Variants in VAV3 observed in about 807,000 individuals in gnomAD.
VAV3 encodes the protein guanine nucleotide exchange factor VAV3.
In VAV3, 94 loss-of-function variants were observed where a neutral mutation model predicts 131.2. The observed-to-expected ratio is 0.72, with a 90% CI of 0.61 to 0.85. The LOEUF (loss-of-function observed/expected upper bound fraction) is 0.85. Ranked by LOEUF, VAV3 falls within the 40% of genes least tolerant of loss-of-function variation. The pLI is 0.00. For missense variants in VAV3, 939 were observed against 1,002.7 expected (o/e 0.94, Z 0.86); for synonymous variants, 349 against 342.0 (o/e 1.02, Z -0.22).
chr1:107,918,774 C>T (rs1485610302), intron 1 of VAV3, among the ~76,000 whole-genome samples: 1 of 148,670 alleles, frequency 6.7e-6, no homozygotes, highest in Non-Finnish European at 1.5e-5. Flanking sequence ...GGTGCGATCT[C>T]AGCTCACCGC....
intron 2 of VAV3, among the ~76,000 whole-genome samples, chr1:107,815,220 C>A (rs1289356027): frequency 6.6e-6 from 1 of 152,154 alleles, no homozygotes; most frequent in Non-Finnish European, 1.5e-5. Context: ...ATAAAAATAT[C>A]CGACATTTAC....
intron 2 of VAV3, among the ~76,000 whole-genome samples, chr1:107,822,422 A>T (rs1304961357): frequency 6.6e-6 from 1 of 152,134 alleles, no homozygotes; most frequent in East Asian, 1.9e-4. Flanking sequence ...TGGGAGGCCA[A>T]GGCAGGCGGA....
intron 5 of VAV3, among the ~76,000 whole-genome samples, chr1:107,771,737 T>C (rs370057233): frequency 2.0e-5 from 3 of 152,236 alleles, no homozygotes; most frequent in Admixed American, 6.5e-5. Context: ...ATTATCACTG[T>C]TCACCCCATC....
chr1:107,867,208 T>C (rs1280508109), intron 2 of VAV3, among the ~76,000 whole-genome samples: 2 of 152,166 alleles, frequency 1.3e-5, no homozygotes, highest in Non-Finnish European at 2.9e-5. Flanking sequence ...GCAAAGTTAT[T>C]TGGGAAATAT....
At chr1:107,861,754 A>G (rs547676447) in intron 2 of VAV3, among the ~76,000 whole-genome samples, 1 of 151,736 alleles carries the variant, frequency 6.6e-6, no homozygotes, top group South Asian at 2.1e-4. Flanking sequence ...TAAATGATTC[A>G]GCACACAATC....
At chr1:107,575,055 GCTAA>G (rs1324472315) in intron 25 of VAV3, among the ~76,000 whole-genome samples, 4 of 149,492 alleles carry the variant, frequency 2.7e-5, no homozygotes, top group African/African-American at 9.8e-5. Context: ...CAGGAGAGGA[GCTAA>G]CTTTCTCCCT....
At chr1:107,628,827 G>T (rs879038636) in intron 20 of VAV3, among the ~76,000 whole-genome samples, 2 of 152,002 alleles carry the variant, frequency 1.3e-5, no homozygotes, top group Admixed American at 6.6e-5. Context: ...TCATAAATTT[G>T]GCCCTTTAAA....
At chr1:107,760,207 G>A (rs1664335226) in intron 10 of VAV3, among the ~76,000 whole-genome samples, 1 of 152,126 alleles carries the variant, frequency 6.6e-6, no homozygotes, top group Non-Finnish European at 1.5e-5. Flanking sequence ...CTTTGGAGCA[G>A]AACTAATGAG....
chr1:107,913,951 C>T (rs548854499), intron 1 of VAV3, among the ~76,000 whole-genome samples: 101 of 152,230 alleles, frequency 6.6e-4, no homozygotes, highest in Non-Finnish European at 1.2e-3. Context: ...CCTGCCACCA[C>T]GCCCAGCTAA....
intron 2 of VAV3, among the ~76,000 whole-genome samples, chr1:107,843,616 T>C (rs1438288145): frequency 6.6e-6 from 1 of 151,578 alleles, no homozygotes; most frequent in Non-Finnish European, 1.5e-5. Context: ...TGAGCAGGCG[T>C]ATTTAAACCT....
intron 2 of VAV3, among the ~76,000 whole-genome samples, chr1:107,805,006 T>C (rs1570977895): frequency 1.3e-5 from 2 of 152,088 alleles, no homozygotes; most frequent in Non-Finnish European, 2.9e-5. Context: ...TGAAAATGTA[T>C]GTTTTCTGTT....
intron 2 of VAV3, among the ~76,000 whole-genome samples, chr1:107,791,260 CTTCA>C: frequency 6.6e-6 from 1 of 152,174 alleles, no homozygotes; most frequent in Middle Eastern, 3.4e-3. Context: ...AAACTCAGAA[CTTCA>C]TTCAACAGGC....
intron 2 of VAV3, among the ~76,000 whole-genome samples, chr1:107,848,822 A>G (rs1030763207): frequency 7.2e-5 from 11 of 152,208 alleles, no homozygotes; most frequent in Admixed American, 3.9e-4. Context: ...TATTTAGAAA[A>G]TTCCATCGTC....
chr1:107,912,083 G>A (rs76672199), intron 1 of VAV3, among the ~76,000 whole-genome samples: 4,857 of 152,162 alleles, frequency 0.032, 119 homozygotes, highest in South Asian at 0.13. Context: ...GCGTGTTTAC[G>A]TTAGTTTCCT....
intron 19 of VAV3, among the ~76,000 whole-genome samples, chr1:107,661,335 G>A (rs771580914): frequency 5.3e-5 from 8 of 152,026 alleles, no homozygotes; most frequent in Non-Finnish European, 1.0e-4. Context: ...ACCATCCTCC[G>A]CGAAGTAAAC....
Position 107,621,475 on chromosome 1 carries a change from T to A in VAV3, c.1915-3843A>T, listed in dbSNP as rs139651636. 6.6e-3 allele frequency among the ~76,000 whole-genome samples: 1,007 copies of A among 152,230 alleles called. 4 individuals carry two copies. The highest frequency in any genetic ancestry group is 0.011 in the Non-Finnish European group (745 of 67,976). On this transcript the variant is annotated intron_variant, in intron 20 of 26. Transcript: ENST00000370056. Reference sequence around the variant, plus strand: ...TGTGGGATGTACGTTGGTAATTCATTAATACTAATGGGTGGAGCAGCTGTC... The same window carrying A: ...TGTGGGATGTACGTTGGTAATTCATAAATACTAATGGGTGGAGCAGCTGTC...
intron 17 of VAV3, among the ~76,000 whole-genome samples, chr1:107,694,038 A>G (rs1291400337): frequency 5.9e-5 from 9 of 152,304 alleles, no homozygotes; most frequent in East Asian, 3.9e-4. Context: ...GAAGGGAGCT[A>G]CTCTGAAGGG....
chr1:107,914,082 C>T (rs1186508919), intron 1 of VAV3, among the ~76,000 whole-genome samples: 3 of 152,160 alleles, frequency 2.0e-5, no homozygotes, highest in Non-Finnish European at 4.4e-5. Context: ...TTTAAGACTT[C>T]AGATGGTTGG....
At chr1:107,691,548 T>A (rs1292115432) in intron 17 of VAV3, among the ~76,000 whole-genome samples, 1 of 152,190 alleles carries the variant, frequency 6.6e-6, no homozygotes, top group Non-Finnish European at 1.5e-5. Flanking sequence ...TCTCTTTCTG[T>A]ATCTCTCTTT....
Sources: allele counts gnomAD v4.1 joint callset (sites outside exome capture counted in the v4.1 genomes callset), GRCh38; gene constraint gnomAD v4.1.1; transcripts MANE v1.5; gene names NCBI Gene and HGNC (gene_info 2026-07-23, HGNC 2026-07-21).